MAP2K4: variants seen among roughly 807,000 people sequenced by gnomAD.
MAP2K4 encodes the protein mitogen-activated protein kinase kinase 4.
Under a neutral mutation model 48.5 loss-of-function variants are expected in MAP2K4, and 4 were observed. That is an observed-to-expected ratio of 0.08 (90% confidence interval 0.04 to 0.19). The LOEUF (loss-of-function observed/expected upper bound fraction) is 0.19, where lower values mean the gene tolerates loss of function less well. MAP2K4 is among the 10% of genes least tolerant of loss of function. MAP2K4 has a pLI of 1.00. For synonymous variants in MAP2K4, 166 were observed against 173.1 expected, an observed-to-expected ratio of 0.96 and a Z score of 0.32; for missense variants, 258 against 493.3, an observed-to-expected ratio of 0.52 and a Z score of 4.52.
intron 5 of MAP2K4, among the ~76,000 whole-genome samples, chr17:12,109,594 T>C (rs1053071072): frequency 6.6e-6 from 1 of 152,178 alleles, no homozygotes; most frequent in Non-Finnish European, 1.5e-5. Context: ...CTGATCATGA[T>C]CAGTGACCAG....
In MAP2K4 at chr17:12,048,903, C is replaced by T. The variant is rs565270986; in HGVS notation, c.116-5986C>T. On this transcript the variant is annotated intron_variant, in intron 1 of 10. Transcript: ENST00000353533. ...AACTCCTGACCTCAGGTGGTCCGTC[C>T]GCCTCAGCCTCCCAAAGTGCTAGGA... 5.9e-4 allele frequency among the ~76,000 whole-genome samples: 90 copies of T among 151,948 alleles called. 1 individual carries two copies. The highest frequency in any genetic ancestry group is 1.2e-3 in the African/African-American group (51 of 41,418).
intron 4 of MAP2K4, 53 bp from the exon 5 acceptor site, chr17:12,107,737 G>A: frequency 6.9e-7 from 1 of 1,452,372 alleles, no homozygotes; most frequent in South Asian, 1.3e-5. Context: ...TTTAAGTAAA[G>A]GCAAGGTGAT....
At chr17:12,046,894 C>T (rs1969980996) in intron 1 of MAP2K4, among the ~76,000 whole-genome samples, 1 of 151,948 alleles carries the variant, frequency 6.6e-6, no homozygotes, top group Non-Finnish European at 1.5e-5. Context: ...AGCCTTCCAA[C>T]TCTCCCTGAA....
intron 2 of MAP2K4, among the ~76,000 whole-genome samples, chr17:12,059,988 G>A (rs1970398299): frequency 6.6e-6 from 1 of 151,942 alleles, no homozygotes; most frequent in African/African-American, 2.4e-5. Context: ...GACCAGGCTG[G>A]GCAACATGGC....
Position 12,095,651 on chromosome 17 carries a change from A to C in MAP2K4, c.470A>C (p.Asp157Ala), listed in dbSNP as rs2151561838. Reference sequence around the variant, plus strand: ...TTGGATGTAGTAATGCGGAGTAGTGATTGCCCATACATTGTTCAGTTTTAT... The same window carrying C: ...TTGGATGTAGTAATGCGGAGTAGTGCTTGCCCATACATTGTTCAGTTTTAT... ...MDLDVVMRSS[D>A]CPYIVQFYGA... Residue 157 changes from aspartate to alanine, a missense_variant, in exon 4 of 11, where the codon GAT becomes GCT. Asp to Ala is a moderately radical substitution (Grantham distance 126, BLOSUM62 -2). Coordinates refer to ENST00000353533, the MANE Select transcript of MAP2K4 (RefSeq NM_003010.4). 6.2e-7 allele frequency: 1 copy of C among 1,614,048 alleles called. No individual in the cohort carries two copies. The highest frequency in any genetic ancestry group is 8.5e-7 in the Non-Finnish European group (1 of 1,179,972).
intron 10 of MAP2K4, 95 bp downstream of exon 10, chr17:12,139,979 T>A: frequency 1.5e-6 from 1 of 683,976 alleles, no homozygotes; most frequent in Non-Finnish European, 2.3e-6. Context: ...CTCTCTGTCA[T>A]AAACAAACAT....
rs543374592 is a variant in MAP2K4 at position 12,074,669 on chromosome 17, G to T, written c.219-6687G>T. 1.8e-4 allele frequency among the ~76,000 whole-genome samples: 27 copies of T among 152,214 alleles called. No individual in the cohort carries two copies. The South Asian group carries it at 5.4e-3, about 30-fold the overall frequency. The stretch of plus-strand genomic sequence containing the variant: ...GGAGGGCCCTCTGCATATCGGTGGG[G>T]TTCTCTTTCTGTGTAGCTGTCTCTT... On this transcript the variant is annotated intron_variant, in intron 2 of 10. Transcript: ENST00000353533.
chr17:12,030,220 A>G (rs1969389326), intron 1 of MAP2K4, among the ~76,000 whole-genome samples: 1 of 152,162 alleles, frequency 6.6e-6, no homozygotes, highest in Non-Finnish European at 1.5e-5. Flanking sequence ...TTCTTCCCTA[A>G]TTTAATAATG....
chr17:12,140,603 C>T (rs891649664), intron 10 of MAP2K4, among the ~76,000 whole-genome samples: 2 of 152,118 alleles, frequency 1.3e-5, no homozygotes, highest in Non-Finnish European at 2.9e-5. Context: ...GAAGAAGCTC[C>T]TGGGGCAAAT....
At chr17:12,058,128 G>A (rs1287224179) in intron 2 of MAP2K4, among the ~76,000 whole-genome samples, 1 of 151,920 alleles carries the variant, frequency 6.6e-6, no homozygotes, top group Non-Finnish European at 1.5e-5. Context: ...ACCTTAGGAA[G>A]CCTGGTTCTC....
chr17:12,092,605 G>A (rs971737782), intron 3 of MAP2K4, among the ~76,000 whole-genome samples: 2 of 152,178 alleles, frequency 1.3e-5, no homozygotes, highest in Non-Finnish European at 2.9e-5. Flanking sequence ...CTAATTTGAA[G>A]TTACTGCTAT....
intron 1 of MAP2K4, among the ~76,000 whole-genome samples, chr17:12,049,963 C>T (rs1970083209): frequency 6.6e-6 from 1 of 152,150 alleles, no homozygotes; most frequent in Non-Finnish European, 1.5e-5. Flanking sequence ...CTTCAGTGGT[C>T]TTCATTACCA....
At chr17:12,043,944 A>G (rs1185092772) in intron 1 of MAP2K4, among the ~76,000 whole-genome samples, 1 of 151,888 alleles carries the variant, frequency 6.6e-6, no homozygotes, top group Non-Finnish European at 1.5e-5. Context: ...GAAAGTTTTA[A>G]CAGTCTACTC....
At chr17:12,110,699 T>G in intron 6 of MAP2K4, 1 of 359,196 alleles carries the variant, frequency 2.8e-6, no homozygotes, top group Admixed American at 5.0e-5. Context: ...TTCATTTGCC[T>G]GATAGATAAT....
At chr17:12,041,058 G>A (rs1234878871) in intron 1 of MAP2K4, among the ~76,000 whole-genome samples, 1 of 152,238 alleles carries the variant, frequency 6.6e-6, no homozygotes, top group African/African-American at 2.4e-5. Flanking sequence ...GAAGTAGATA[G>A]AATGCAGCAT....
intron 2 of MAP2K4, among the ~76,000 whole-genome samples, chr17:12,066,763 C>A (rs1970629520): frequency 6.6e-6 from 1 of 152,184 alleles, no homozygotes; most frequent in African/African-American, 2.4e-5. Context: ...GATCTCCGCT[C>A]ACTGCAAGCT....
chr17:12,049,498 A>G (rs1323148102), intron 1 of MAP2K4, among the ~76,000 whole-genome samples: 1 of 152,184 alleles, frequency 6.6e-6, no homozygotes, highest in Non-Finnish European at 1.5e-5. Context: ...TCTTTTCATT[A>G]GTTGGGTGGT....
At chr17:12,042,387 A>T (rs1969816881) in intron 1 of MAP2K4, among the ~76,000 whole-genome samples, 2 of 152,130 alleles carry the variant, frequency 1.3e-5, no homozygotes, top group Admixed American at 1.3e-4. Context: ...GGTCAGTTGG[A>T]CAAGGTAGTC....
At chr17:12,039,122 A>G (rs1049766910) in intron 1 of MAP2K4, among the ~76,000 whole-genome samples, 1 of 152,214 alleles carries the variant, frequency 6.6e-6, no homozygotes, top group Non-Finnish European at 1.5e-5. Context: ...TGAAAACCTA[A>G]AACTCTCCTG....
Sources: gnomAD v4.1 joint callset for allele counts (sites outside exome capture counted in the v4.1 genomes callset) on GRCh38, gnomAD v4.1.1 for gene constraint, MANE v1.5 for transcripts, NCBI Gene and HGNC (gene_info 2026-07-23, HGNC 2026-07-21) for gene names.